The following CHERP variants were observed in gnomAD, a reference collection of about 807,000 sequenced individuals.
CHERP encodes ERPROT 213-21.
Under a neutral mutation model 113.8 loss-of-function variants are expected in CHERP, and 8 were observed. That is an observed-to-expected ratio of 0.07 (90% CI 0.04 to 0.13). The LOEUF is 0.13. Among genes scored for constraint, CHERP ranks in the 10% least tolerant of loss-of-function variants. The pLI, the probability that CHERP is intolerant of heterozygous loss-of-function variation, is 1.00. For synonymous variants in CHERP, 559 were observed against 524.5 expected (o/e 1.07, Z -0.90); for missense variants, 884 against 1,298.2 (o/e 0.68, Z 4.90).
At chr19:16,539,850 C>G (rs893407986) in intron 2 of CHERP, 1 of 152,270 alleles carries the variant, frequency 6.6e-6, no homozygotes, top group East Asian at 1.9e-4. Context: ...CAGGGGGTCA[C>G]CATACTGACA....
At chr19:16,526,243 T>C (rs1444206107) in intron 9 of CHERP, 2 of 152,782 alleles carry the variant, frequency 1.3e-5, no homozygotes, top group Non-Finnish European at 2.9e-5. Context: ...GACGGGAGGC[T>C]CTTCCCTCAT....
intron 2 of CHERP, among the ~76,000 whole-genome samples, chr19:16,537,763 C>A (rs1458786891): frequency 6.6e-6 from 1 of 152,154 alleles, no homozygotes; most frequent in Non-Finnish European, 1.5e-5. Flanking sequence ...ATCCCTCTAC[C>A]TCTTTTTGAC....
Position 16,525,701 on chromosome 19 carries a change from A to G in CHERP, c.1306-24T>C. The G allele has an allele frequency of 6.8e-7, 1 of 1,479,052 alleles. No individual in the cohort carries two copies. The highest frequency in any genetic ancestry group is 9.0e-7 in the Non-Finnish European group (1 of 1,113,516). 91.6% of individuals were successfully genotyped at this position (1,479,052 alleles called of 1,614,324 possible). A position where few individuals can be genotyped will look rare whatever the true frequency, so the allele number is the denominator to read the frequency against. ...GGCTGCAAGGGAAGGGACAGGCTTG[A>G]GCCCTGCGTGGTCTAGGCCCTAGTG... is the stretch of plus-strand genomic sequence containing the variant. On this transcript the variant is annotated intron_variant, in intron 9 of 16. Coordinates refer to ENST00000546361, the MANE Select transcript of CHERP (RefSeq NM_006387.6). The surrounding 1 kb of genome is among the most constrained non-coding windows in gnomAD (Gnocchi z 6.5).
In CHERP at chr19:16,535,476, C is replaced by A; in HGVS notation, c.360G>T (p.Glu120Asp). 1 of 1,609,596 alleles carries A rather than the reference C, an allele frequency of 6.2e-7. No individual in the cohort carries two copies. The highest frequency in any genetic ancestry group is 8.5e-7 in the Non-Finnish European group (1 of 1,178,136). ...QQSQWNLQQQ[E>D]QHLLALRQEQ... is the part of the protein sequence containing the mutation. Reference sequence around the variant, plus strand: ...CCTGTCTGAGCGCCAGCAAGTGCTGCTCCTGCTGCTGGAGGTTCCACTGGC... The same window carrying A: ...CCTGTCTGAGCGCCAGCAAGTGCTGATCCTGCTGCTGGAGGTTCCACTGGC... Residue 120 changes from glutamate (E) to aspartate (D), a missense_variant, in exon 3 of 17, where the codon GAG (glutamate) becomes GAT (aspartate). Around this residue, in one of 8 missense-constraint regions of CHERP, gnomAD observed 109 missense variants for 134.2 expected, o/e 0.81. Coordinates refer to ENST00000546361, the MANE Select transcript of CHERP (RefSeq NM_006387.6). The surrounding 1 kb of genome is among the most constrained non-coding windows in gnomAD (Gnocchi z 4.3).
chr19:16,538,956 A>G (rs978894604), intron 2 of CHERP, among the ~76,000 whole-genome samples: 1 of 150,260 alleles, frequency 6.7e-6, no homozygotes, highest in Non-Finnish European at 1.5e-5. Flanking sequence ...TCCCTCCCTC[A>G]GGCTCAACCT....
Position 16,535,609 on chromosome 19 carries a change from A to G in CHERP, c.227T>C (p.Leu76Pro). The G allele has an allele frequency of 6.5e-7, 1 of 1,536,206 alleles. No homozygotes were observed. Among genetic ancestry groups the G allele is most frequent in the African/African-American group, 1.4e-5 (1 of 72,928 alleles). The change falls in exon 3 of 17, where the codon CTG becomes CCG. Residue 76 changes from leucine to proline, a missense_variant. Around this residue, in one of 8 missense-constraint regions of CHERP, gnomAD observed 109 missense variants for 134.2 expected, o/e 0.81. Transcript: ENST00000546361. The surrounding 1 kb of genome is among the most constrained non-coding windows in gnomAD (Gnocchi z 4.3). ...QLICKQQTPE[L>P]EPAATMPPLP... ...GGGTGGCATGGTGGCGGCTGGCTCC[A>G]GCTCCGGGGTCTGCTGCTTGCAGAT... is the stretch of plus-strand genomic sequence containing the variant.
At chr19:16,524,995 C>T (rs2085647203) in intron 10 of CHERP, among the ~76,000 whole-genome samples, 1 of 152,182 alleles carries the variant, frequency 6.6e-6, no homozygotes, top group Non-Finnish European at 1.5e-5. Context: ...CGCCCACCCA[C>T]GGCAGGAACC....
At chr19:16,538,897 G>A (rs2098168397) in intron 2 of CHERP, among the ~76,000 whole-genome samples, 1 of 151,734 alleles carries the variant, frequency 6.6e-6, no homozygotes, top group African/African-American at 2.4e-5. Context: ...TATGCAACTG[G>A]CGCCCAAGTT....
Position 16,523,034 on chromosome 19 carries a change from C to T in CHERP, c.1980+18G>A. On this transcript the variant is annotated intron_variant, in intron 11 of 16. Coordinates refer to ENST00000546361, the MANE Select transcript of CHERP (RefSeq NM_006387.6). The surrounding 1 kb of genome is among the most constrained non-coding windows in gnomAD (Gnocchi z 4.0). ...TATGGTAAGCGTGCTCAGCTTGGAG[C>T]CCACTGTGGGGCATTACCTTCACGA... 6.7e-7 allele frequency: 1 copy of T among 1,498,524 alleles called. No individual in the cohort carries two copies. Among genetic ancestry groups the T allele is most frequent in the Non-Finnish European group, 8.9e-7 (1 of 1,127,510 alleles). 92.8% of individuals were successfully genotyped at this position (1,498,524 alleles called of 1,614,324 possible).
rs557288720 is a variant in CHERP, at chr19:16,523,226, C to T, written c.1806G>A (p.Pro602=). Residue 602 remains proline, a synonymous_variant, in exon 11 of 17, where the codon CCG becomes CCA. Transcript: ENST00000546361. The surrounding 1 kb of genome is among the most constrained non-coding windows in gnomAD (Gnocchi z 4.0). ...CAGGGTGCTGGGGTCCAGCCCAAGG[C>T]GGGTGCTCGTTGATGCCAGGATGAG... ...RMPHPGINEH[P]PWAGPQHPDF... The T allele has an allele frequency of 2.6e-5, 42 of 1,598,150 alleles. No homozygotes were observed. Among genetic ancestry groups the T allele is most frequent in the South Asian group, 2.3e-4 (21 of 89,882 alleles).
At position 16,541,969 on chromosome 19, in the gene CHERP, T is replaced by C; in HGVS notation, c.100A>G (p.Thr34Ala). Residue 34 changes from threonine to alanine, a missense_variant, in exon 2 of 17, where the codon ACT (threonine) becomes GCT (alanine). Physicochemically the swap from Thr to Ala is moderately conservative, Grantham distance 58. Transcript: ENST00000546361. ...ARNGPEFEKM[T>A]MEKQKDNPKF... ...GGGTTGTCCTTCTGCTTCTCCATAG[T>C]CATCTTCTCAAACTCGGGCCCATTG... 1.2e-6 allele frequency: 2 copies of C among 1,614,126 alleles called. No individual in the cohort carries two copies. The highest frequency in any genetic ancestry group is 1.3e-5 in the African/African-American group (1 of 75,060).
At chr19:16,526,673 G>C (rs549012408) in intron 9 of CHERP, among the ~76,000 whole-genome samples, 1 of 152,084 alleles carries the variant, frequency 6.6e-6, no homozygotes, top group South Asian at 2.1e-4. Context: ...CACCACGTTG[G>C]CCAGGCTGGT....
At position 16,518,916 on chromosome 19, in the gene CHERP, G is replaced by A; in HGVS notation, c.*243C>T. On this transcript the variant is annotated 3_prime_UTR_variant, in exon 17 of 17. Transcript: ENST00000546361. ...TTTGCTTCGCTATAAAGGAAAACGA[G>A]CCTGGGGCCCTGGTGGCTGCAGCGC... 1.8e-6 allele frequency: 1 copy of A among 554,454 alleles called. No homozygotes were observed. The allele number at this position is 554,454 out of a possible 1,614,324, so 34.3% of individuals were successfully genotyped here.
At position 16,519,535 on chromosome 19, in the gene CHERP, G is replaced by A; in HGVS notation, c.2557+86C>T. 7.5e-7 allele frequency: 1 copy of A among 1,329,032 alleles called. No homozygotes were observed. The highest frequency in any genetic ancestry group is 1.2e-5 in the South Asian group (1 of 84,268). 82.3% of individuals were successfully genotyped at this position (1,329,032 alleles called of 1,614,324 possible). A position where few individuals can be genotyped will look rare whatever the true frequency, so the allele number is the denominator to read the frequency against. ...GGCCTGACTCCATCCATCCCCACATGCACTGAGGAAGAGAAAGCGCTGGTG... is the reference window on the plus strand; with the variant it reads ...GGCCTGACTCCATCCATCCCCACATACACTGAGGAAGAGAAAGCGCTGGTG... On this transcript the variant is annotated intron_variant, in intron 16 of 16. Coordinates refer to ENST00000546361, the MANE Select transcript of CHERP (RefSeq NM_006387.6). The surrounding 1 kb of genome is among the most constrained non-coding windows in gnomAD (Gnocchi z 6.0).
rs776023983 is a variant in CHERP, at chr19:16,542,398, G to A, written c.-20C>T. The A allele has an allele frequency of 4.4e-6, 6 of 1,357,186 alleles. No homozygotes were observed. Among genetic ancestry groups the A allele is most frequent in the Middle Eastern group, 2.0e-4 (1 of 5,038 alleles). The allele number at this position is 1,357,186 out of a possible 1,614,324, so 84.1% of individuals were successfully genotyped here. On this transcript the variant is annotated 5_prime_UTR_variant, in exon 1 of 17. The change creates a new upstream start codon in the 5' untranslated region. Transcript: ENST00000546361. Reference sequence around the variant, plus strand: ...CTCCATGGCTCCGGCCGCGGGGAACGTCCTCCGGCGCCACACGATCGACCA... The same window carrying A: ...CTCCATGGCTCCGGCCGCGGGGAACATCCTCCGGCGCCACACGATCGACCA...
chr19:16,539,314 A>G (rs889795528), intron 2 of CHERP, among the ~76,000 whole-genome samples: 2 of 151,364 alleles, frequency 1.3e-5, no homozygotes, highest in Non-Finnish European at 2.9e-5. Flanking sequence ...CGCCTGGCTA[A>G]TTTTTTGTAT....
In CHERP at chr19:16,523,014, TA is replaced by T; in HGVS notation, c.1980+37del. 1 of 1,488,338 alleles carries T rather than the reference TA, an allele frequency of 6.7e-7. No homozygotes were observed. 92.2% of individuals were successfully genotyped at this position (1,488,338 alleles called of 1,614,324 possible). A position where few individuals can be genotyped will look rare whatever the true frequency, so the allele number is the denominator to read the frequency against. ...CAAGGAGAAACGGGGACCAGTATGG[TA>T]AGCGTGCTCAGCTTGGAGCCCACTG... On this transcript the variant is annotated intron_variant, in intron 11 of 16. Coordinates refer to ENST00000546361, the MANE Select transcript of CHERP (RefSeq NM_006387.6). The surrounding 1 kb of genome is among the most constrained non-coding windows in gnomAD (Gnocchi z 4.0).
rs112936065 is a variant in CHERP at position 16,519,951 on chromosome 19, G to A, written c.2462+198C>T. 1,029 of 675,622 alleles carry A rather than the reference G, an allele frequency of 1.5e-3. 8 individuals are homozygous for A. The African/African-American group carries it at 0.016, about 10-fold the overall frequency. 41.9% of individuals were successfully genotyped at this position (675,622 alleles called of 1,614,324 possible). A position where few individuals can be genotyped will look rare whatever the true frequency, so the allele number is the denominator to read the frequency against. ...GCAGGACACCTCCAACCCAGATGGT[G>A]GTTAGAAAGCAGACCCCAGTTACTG... On this transcript the variant is annotated intron_variant, in intron 15 of 16. Coordinates refer to ENST00000546361, the MANE Select transcript of CHERP (RefSeq NM_006387.6). The surrounding 1 kb of genome is among the most constrained non-coding windows in gnomAD (Gnocchi z 6.0).
chr19:16,526,689 A>G (rs893768939), intron 9 of CHERP, among the ~76,000 whole-genome samples: 6 of 150,872 alleles, frequency 4.0e-5, no homozygotes, highest in African/African-American at 1.2e-4. Flanking sequence ...CTGGTCTCAA[A>G]CTCCTGACCT....
Sources: allele counts gnomAD v4.1 joint callset (sites outside exome capture counted in the v4.1 genomes callset), GRCh38; gene constraint gnomAD v4.1.1; regional missense constraint gnomAD v4.1.1; non-coding constraint Gnocchi (gnomAD v3.1); transcripts MANE v1.5; gene names NCBI Gene and HGNC (gene_info 2026-07-23, HGNC 2026-07-21).